SUGCT: variants seen among roughly 807,000 people sequenced by gnomAD.
The protein encoded by SUGCT is succinyl-CoA:glutarate CoA-transferase.
Under a neutral mutation model 55.0 loss-of-function variants are expected in SUGCT, and 41 were observed. The ratio of observed to expected loss-of-function variants is 0.74; its 90% CI spans 0.58 to 0.97. SUGCT has a LOEUF of 0.97. Among genes scored for constraint, SUGCT ranks in the 50% least tolerant of loss-of-function variants. The probability of loss-of-function intolerance (pLI) is 0.00; values close to 1 mark genes in which losing one functional copy is unlikely to be tolerated. For missense variants in SUGCT, 568 were observed against 547.8 expected, an observed-to-expected ratio of 1.04 and a Z score of -0.37; for synonymous variants, 187 against 200.4, an observed-to-expected ratio of 0.93 and a Z score of 0.56.
the SUGCT span, among the ~76,000 whole-genome samples, chr7:41,012,113 C>G: frequency 1.3e-5 from 2 of 152,084 alleles, no homozygotes; most frequent in African/African-American, 4.8e-5. Context: ...TAATGATTCC[C>G]CAGTTTCTCA....
chr7:40,444,027 G>GCTT (rs1788669486), intron 9 of SUGCT, among the ~76,000 whole-genome samples: 1 of 152,102 alleles, frequency 6.6e-6, no homozygotes, highest in Non-Finnish European at 1.5e-5. Context: ...AAGATCAGAT[G>GCTT]GTTGTAGATT....
intron 12 of SUGCT, among the ~76,000 whole-genome samples, chr7:40,617,734 A>G (rs1799076920): frequency 1.3e-5 from 2 of 152,036 alleles, no homozygotes; most frequent in South Asian, 4.1e-4. Flanking sequence ...ATAACTGCAT[A>G]CTTTTTTTTC....
chr7:40,401,746 T>C (rs1786082219), intron 9 of SUGCT, among the ~76,000 whole-genome samples: 1 of 152,212 alleles, frequency 6.6e-6, no homozygotes, highest in African/African-American at 2.4e-5. Flanking sequence ...AAGGGAAGTT[T>C]ACATAAGACC....
intron 13 of SUGCT, among the ~76,000 whole-genome samples, chr7:40,821,195 T>C (rs888221320): frequency 6.6e-6 from 1 of 152,232 alleles, no homozygotes; most frequent in Non-Finnish European, 1.5e-5. Context: ...TTTGCATCAA[T>C]GTTCATCAGG....
the SUGCT span, among the ~76,000 whole-genome samples, chr7:40,959,397 C>T: frequency 1.3e-5 from 2 of 152,226 alleles, no homozygotes; most frequent in Non-Finnish European, 2.9e-5. Context: ...GGCAGTTTGG[C>T]TACAGCAGCT....
chr7:40,812,436 C>T (rs1363303415), intron 13 of SUGCT, among the ~76,000 whole-genome samples: 1 of 152,004 alleles, frequency 6.6e-6, no homozygotes, highest in East Asian at 1.9e-4. Flanking sequence ...CAACTTCTTC[C>T]TGATTCGATT....
intron 12 of SUGCT, among the ~76,000 whole-genome samples, chr7:40,588,614 A>G (rs1797537099): frequency 1.3e-5 from 2 of 152,230 alleles, no homozygotes; most frequent in African/African-American, 4.8e-5. Context: ...ATTAATGATT[A>G]TGATTTAAGC....
At chr7:40,899,036 C>G in the SUGCT span, among the ~76,000 whole-genome samples, 1 of 152,230 alleles carries the variant, frequency 6.6e-6, no homozygotes, top group Non-Finnish European at 1.5e-5. Context: ...ATTCCTTCTT[C>G]CCCAACTGTG....
intron 9 of SUGCT, among the ~76,000 whole-genome samples, chr7:40,327,659 T>C (rs1210747388): frequency 6.6e-6 from 1 of 152,212 alleles, no homozygotes; most frequent in Admixed American, 6.5e-5. Context: ...CTTTAAGATT[T>C]TTTCGGCTTT....
intron 12 of SUGCT, among the ~76,000 whole-genome samples, chr7:40,655,335 C>G (rs1490666392): frequency 2.0e-5 from 3 of 152,072 alleles, no homozygotes; most frequent in Non-Finnish European, 4.4e-5. Context: ...TAATTATATC[C>G]TCTCTCCCTC....
intron 7 of SUGCT, among the ~76,000 whole-genome samples, chr7:40,272,264 A>G (rs1792115475): frequency 7.3e-6 from 1 of 137,730 alleles, no homozygotes; most frequent in African/African-American, 2.8e-5. Flanking sequence ...CCTGGATGGA[A>G]CTCCTGCACT....
rs117877006 is a variant in SUGCT at position 40,451,821 on chromosome 7, C to T, written c.888+2463C>T. Among the ~76,000 whole-genome samples the T allele has an allele frequency of 5.9e-3, 896 of 152,282 alleles. 2 individuals are homozygous for T. The highest frequency in any genetic ancestry group is 9.5e-3 in the Non-Finnish European group (647 of 68,016). Reference sequence around the variant, plus strand: ...TTCTTCCCTTCCCAGTTATGTGTAGCGTGTGGATGTCTTCTAAGCATTTTT... The same window carrying T: ...TTCTTCCCTTCCCAGTTATGTGTAGTGTGTGGATGTCTTCTAAGCATTTTT... On this transcript the variant is annotated intron_variant, in intron 10 of 13. Coordinates refer to ENST00000335693, the MANE Select transcript of SUGCT (RefSeq NM_001193313.2).
intron 12 of SUGCT, among the ~76,000 whole-genome samples, chr7:40,506,193 G>GT (rs781356673): frequency 6.5e-4 from 99 of 152,142 alleles, no homozygotes; most frequent in Non-Finnish European, 1.2e-3. Context: ...TTAGCAATGT[G>GT]AATTTTTTTC....
chr7:40,189,462 T>C (rs528605789), intron 4 of SUGCT, 82 bp from the exon 5 acceptor site: 3 of 296,806 alleles, frequency 1.0e-5, no homozygotes, highest in South Asian at 1.2e-4. Flanking sequence ...GTTATGTGGG[T>C]ATATTGCATA....
chr7:40,218,972 T>G (rs1325658145), intron 6 of SUGCT, among the ~76,000 whole-genome samples: 1 of 152,178 alleles, frequency 6.6e-6, no homozygotes, highest in Non-Finnish European at 1.5e-5. Context: ...AGCTACATTC[T>G]TTCGCTCCTT....
chr7:41,007,863 AT>A, the SUGCT span, among the ~76,000 whole-genome samples: 1 of 144,112 alleles, frequency 6.9e-6, no homozygotes, highest in Non-Finnish European at 1.5e-5. Flanking sequence ...GGTCTTATGT[AT>A]TTTTTTTAAA....
At chr7:40,961,040 GCACATA>G in the SUGCT span, among the ~76,000 whole-genome samples, 1 of 152,208 alleles carries the variant, frequency 6.6e-6, no homozygotes, top group Non-Finnish European at 1.5e-5. Flanking sequence ...AAAATACTAT[GCACATA>G]CACATACACA....
At chr7:40,350,362 G>T (rs1219840493) in intron 9 of SUGCT, among the ~76,000 whole-genome samples, 3 of 150,822 alleles carry the variant, frequency 2.0e-5, no homozygotes, top group African/African-American at 7.3e-5. Context: ...TGCCCAGGCA[G>T]GAGTGCGGTG....
At position 40,827,727 on chromosome 7, in the gene SUGCT, G is replaced by T. The variant is rs186814503; in HGVS notation, c.1154-32589G>T. Among the ~76,000 whole-genome samples, 90 of 152,240 alleles carry T rather than the reference G, an allele frequency of 5.9e-4. 2 individuals are homozygous for T. The highest frequency in any genetic ancestry group is 2.9e-3 in the Admixed American group (44 of 15,308). On this transcript the variant is annotated intron_variant, in intron 13 of 13. Coordinates refer to ENST00000335693, the MANE Select transcript of SUGCT (RefSeq NM_001193313.2). ...GCAACTCGTTTGCCCATTCTCAGGG[G>T]AGTCTTTACCATCCAGCTCTCCTTT...
Sources: allele counts gnomAD v4.1 joint callset (sites outside exome capture counted in the v4.1 genomes callset), GRCh38; gene constraint gnomAD v4.1.1; transcripts MANE v1.5; gene names NCBI Gene and HGNC (gene_info 2026-07-23, HGNC 2026-07-21).